ZNRF3: variants seen among roughly 807,000 people sequenced by gnomAD.
ZNRF3 encodes the protein E3 ubiquitin-protein ligase ZNRF3.
In ZNRF3, 23 loss-of-function variants were observed where a neutral mutation model predicts 72.5. The ratio of observed to expected loss-of-function variants is 0.32; its 90% CI spans 0.23 to 0.45. ZNRF3 has a LOEUF of 0.45. Among genes scored for constraint, ZNRF3 ranks in the 20% least tolerant of loss-of-function variants. ZNRF3 has a pLI of 1.00. For missense variants in ZNRF3, 1,169 were observed against 1,272.1 expected (o/e 0.92, Z 1.23); for synonymous variants, 610 against 545.3 (o/e 1.12, Z -1.65).
intron 1 of ZNRF3, among the ~76,000 whole-genome samples, chr22:28,916,053 T>A (rs1305561528): frequency 6.6e-6 from 1 of 152,228 alleles, no homozygotes; most frequent in Non-Finnish European, 1.5e-5. Context: ...TTTTATTTTT[T>A]AAATTTAAAT....
chr22:29,003,784 G>A (rs1375893284), intron 2 of ZNRF3, among the ~76,000 whole-genome samples: 1 of 151,974 alleles, frequency 6.6e-6, no homozygotes, highest in African/African-American at 2.4e-5. Context: ...TACAGTGGGT[G>A]GTGATCCTGC....
intron 2 of ZNRF3, among the ~76,000 whole-genome samples, chr22:29,041,790 C>T (rs1194222316): frequency 4.6e-5 from 7 of 152,126 alleles, no homozygotes; most frequent in Non-Finnish European, 7.3e-5. Context: ...AGGTCTTCAG[C>T]TTGTGTCACT....
intron 2 of ZNRF3, among the ~76,000 whole-genome samples, chr22:28,990,361 A>C (rs539718435): frequency 6.6e-6 from 1 of 152,336 alleles, no homozygotes; most frequent in South Asian, 2.1e-4. Context: ...AAAATAGAAT[A>C]AAATTGACAT....
At chr22:28,989,829 GA>G (rs1236931949) in intron 2 of ZNRF3, among the ~76,000 whole-genome samples, 4 of 152,198 alleles carry the variant, frequency 2.6e-5, no homozygotes, top group African/African-American at 9.7e-5. Context: ...GCCACAGGGT[GA>G]AACCTTGAAA....
chr22:29,027,939 A>G (rs2036673537), intron 2 of ZNRF3, among the ~76,000 whole-genome samples: 1 of 152,218 alleles, frequency 6.6e-6, no homozygotes, highest in Non-Finnish European at 1.5e-5. Context: ...CTGCACCCAG[A>G]TAAGAATAAC....
At chr22:28,938,261 T>C (rs1428509814) in intron 1 of ZNRF3, among the ~76,000 whole-genome samples, 2 of 152,166 alleles carry the variant, frequency 1.3e-5, no homozygotes, top group Non-Finnish European at 2.9e-5. Context: ...AAAGCTTTTT[T>C]TTTTCAGTAT....
chr22:28,983,968 G>C (rs1309550314), intron 1 of ZNRF3, among the ~76,000 whole-genome samples: 1 of 151,792 alleles, frequency 6.6e-6, no homozygotes, highest in Non-Finnish European at 1.5e-5. Context: ...TATTCTGCAG[G>C]ACCCAGTTTC....
At chr22:28,988,778 T>G (rs1033337282) in intron 2 of ZNRF3, among the ~76,000 whole-genome samples, 1 of 152,214 alleles carries the variant, frequency 6.6e-6, no homozygotes. Context: ...TCTCTTGTAC[T>G]TTATGCAGGA....
At chr22:28,932,943 T>C (rs1462113026) in intron 1 of ZNRF3, among the ~76,000 whole-genome samples, 1 of 152,182 alleles carries the variant, frequency 6.6e-6, no homozygotes, top group Non-Finnish European at 1.5e-5. Flanking sequence ...CCCCTTCCTC[T>C]CCCTTCTTCT....
chr22:28,901,299 A>G (rs748779133), intron 1 of ZNRF3, among the ~76,000 whole-genome samples: 2 of 152,018 alleles, frequency 1.3e-5, no homozygotes, highest in African/African-American at 2.4e-5. Context: ...CACCTCCTAG[A>G]GTTGTGCGGT....
intron 1 of ZNRF3, among the ~76,000 whole-genome samples, chr22:28,939,750 C>G (rs1417316884): frequency 6.6e-6 from 1 of 152,122 alleles, no homozygotes. Context: ...GTTGTAGAAC[C>G]AGATGCTGTA....
At chr22:29,042,427 T>G in intron 2 of ZNRF3, 68 bp from the exon 3 acceptor site, 1 of 1,422,244 alleles carries the variant, frequency 7.0e-7, no homozygotes, top group Non-Finnish European at 9.9e-7. Context: ...CAGGCCTGAT[T>G]GCCAAGGCCA....
At chr22:28,884,711 A>G (rs1238210500) in intron 1 of ZNRF3, among the ~76,000 whole-genome samples, 1 of 152,142 alleles carries the variant, frequency 6.6e-6, no homozygotes, top group Admixed American at 6.5e-5. Flanking sequence ...AGAGGGTGGG[A>G]GGGATACCGC....
intron 1 of ZNRF3, among the ~76,000 whole-genome samples, chr22:28,957,982 T>G (rs1291662718): frequency 2.0e-5 from 3 of 151,630 alleles, no homozygotes; most frequent in Admixed American, 1.3e-4. Flanking sequence ...GGTCAGGAGA[T>G]CGAGACCATC....
At chr22:29,006,461 C>T (rs1225337300) in intron 2 of ZNRF3, among the ~76,000 whole-genome samples, 1 of 152,128 alleles carries the variant, frequency 6.6e-6, no homozygotes, top group East Asian at 1.9e-4. Flanking sequence ...ATCTGCCTGC[C>T]TCGTCCTCCG....
At chr22:29,046,630 C>T in intron 5 of ZNRF3, 86 bp from the exon 6 acceptor site, 4 of 1,357,920 alleles carry the variant, frequency 2.9e-6, no homozygotes, top group Non-Finnish European at 3.9e-6. Flanking sequence ...GTCTGCCTGT[C>T]CCAGTGAATC....
intron 1 of ZNRF3, among the ~76,000 whole-genome samples, chr22:28,975,778 T>C (rs924911366): frequency 6.6e-6 from 1 of 151,706 alleles, no homozygotes; most frequent in Non-Finnish European, 1.5e-5. Flanking sequence ...TTCCTCGGGG[T>C]CTGTTTGAAA....
At chr22:28,939,882 C>T (rs957690180) in intron 1 of ZNRF3, among the ~76,000 whole-genome samples, 9 of 152,100 alleles carry the variant, frequency 5.9e-5, no homozygotes, top group Admixed American at 2.0e-4. Context: ...TAGCCTTTGA[C>T]ACCCAAACTT....
intron 1 of ZNRF3, 118 bp from the exon 2 acceptor site, chr22:28,986,958 C>G: frequency 1.4e-6 from 2 of 1,396,164 alleles, no homozygotes; most frequent in Non-Finnish European, 1.9e-6. Context: ...ACTGTCCCCA[C>G]TCTTAAAATT....
Sources: gnomAD v4.1 joint callset for allele counts (sites outside exome capture counted in the v4.1 genomes callset) on GRCh38, gnomAD v4.1.1 for gene constraint, MANE v1.5 for transcripts, NCBI Gene and HGNC (gene_info 2026-07-23, HGNC 2026-07-21) for gene names.